The following USP46 variants were observed in gnomAD, a reference collection of about 807,000 sequenced individuals.
The protein encoded by USP46 is ubiquitin carboxyl-terminal hydrolase 46.
In USP46, 12 loss-of-function variants were observed where a neutral mutation model predicts 44.4. The observed-to-expected ratio is 0.27, with a 90% confidence interval of 0.17 to 0.44. The LOEUF (loss-of-function observed/expected upper bound fraction) is 0.44, where lower values mean the gene tolerates loss of function less well. Among genes scored for constraint, USP46 ranks in the 20% least tolerant of loss-of-function variants. The pLI is 1.00. For synonymous variants in USP46, 155 were observed against 161.5 expected, an observed-to-expected ratio of 0.96 and a Z score of 0.31; for missense variants, 248 against 444.8, an observed-to-expected ratio of 0.56 and a Z score of 3.98.
intron 4 of USP46, among the ~76,000 whole-genome samples, chr4:52,621,906 T>G (rs1034972255): frequency 6.6e-6 from 1 of 152,166 alleles, no homozygotes; most frequent in Non-Finnish European, 1.5e-5. Flanking sequence ...ATTCCTACAA[T>G]GGTATACTAC....
At chr4:52,658,464 C>T (rs1195138573) in intron 1 of USP46, among the ~76,000 whole-genome samples, 1 of 152,194 alleles carries the variant, frequency 6.6e-6, no homozygotes, top group Non-Finnish European at 1.5e-5. Context: ...CAGCCCGCCC[C>T]ACCCTTAGGG....
chr4:52,653,370 T>C (rs1196282130), intron 1 of USP46, among the ~76,000 whole-genome samples: 1 of 151,636 alleles, frequency 6.6e-6, no homozygotes, highest in Non-Finnish European at 1.5e-5. Context: ...CCAGGCATGG[T>C]AGCAGGCAAC....
chr4:52,640,903 A>G (rs560404648), intron 1 of USP46, among the ~76,000 whole-genome samples: 103 of 151,438 alleles, frequency 6.8e-4, no homozygotes, highest in African/African-American at 2.3e-3. Flanking sequence ...CTCGGCAAAT[A>G]CCTCAGAGCT....
At chr4:52,658,840 C>T (rs1301601514) in intron 1 of USP46, among the ~76,000 whole-genome samples, 1 of 152,046 alleles carries the variant, frequency 6.6e-6, no homozygotes, top group African/African-American at 2.4e-5. Context: ...CCGCTTCCAC[C>T]GCAACCCGAG....
At position 52,597,170 on chromosome 4, in the gene USP46, A is replaced by G. The variant is rs1424655667; in HGVS notation, c.*470T>C. On this transcript the variant is annotated 3_prime_UTR_variant, in exon 9 of 9. Transcript: ENST00000441222. ...CTATACTTGCACCCCTAAAAGGTGA[A>G]TATCTACCCAATTCTTCTGTCCTTG... The G allele has an allele frequency of 6.5e-6, 1 of 154,176 alleles. No homozygotes were observed. The highest frequency in any genetic ancestry group is 6.5e-5 in the Admixed American group (1 of 15,314). The allele number at this position is 154,176 out of a possible 1,614,324, so 9.6% of individuals were successfully genotyped here.
intron 5 of USP46, 54 bp from the exon 6 acceptor site, chr4:52,604,638 CTATGTTTTAAA>C (rs1244495096): frequency 7.9e-7 from 1 of 1,266,348 alleles, no homozygotes; most frequent in Non-Finnish European, 1.1e-6. Context: ...ACTTGGTATA[CTATGTTTTAAA>C]TCCCTCAATT....
intron 5 of USP46, among the ~76,000 whole-genome samples, chr4:52,606,851 TAA>T (rs1716704854): frequency 6.6e-6 from 1 of 152,218 alleles, no homozygotes; most frequent in Admixed American, 6.5e-5. Context: ...GCAAATGTAC[TAA>T]ACTTTCAGAT....
intron 8 of USP46, among the ~76,000 whole-genome samples, chr4:52,598,126 A>G (rs1716316382): frequency 6.6e-6 from 1 of 152,216 alleles, no homozygotes; most frequent in African/African-American, 2.4e-5. Flanking sequence ...AAAATAGATC[A>G]TGTCTTTGAG....
chr4:52,597,643 C>T lies in USP46; in HGVS notation c.1098G>A (p.Glu366=), dbSNP rs1268831620. 1 of 1,574,980 alleles carries T rather than the reference C, an allele frequency of 6.3e-7. No homozygotes were observed. Among genetic ancestry groups the T allele is most frequent in the Middle Eastern group, 1.7e-4 (1 of 6,016 alleles). ...SGYILFYQSR[E] ...ATCAGTCCCGCAGGTCTTTCAGTTACTCTCTTGACTGATAGAATAAAATAT... is the reference window on the plus strand; with the variant it reads ...ATCAGTCCCGCAGGTCTTTCAGTTATTCTCTTGACTGATAGAATAAAATAT... Residue 366 remains glutamate (E), a synonymous_variant, in exon 9 of 9, where the codon GAG becomes GAA. Coordinates refer to ENST00000441222, the MANE Select transcript of USP46 (RefSeq NM_022832.4).
intron 1 of USP46, among the ~76,000 whole-genome samples, chr4:52,650,526 A>G (rs1165565259): frequency 6.6e-6 from 1 of 152,246 alleles, no homozygotes; most frequent in Non-Finnish European, 1.5e-5. Context: ...TTAAGGTAAA[A>G]GAGTCTAAAA....
intron 5 of USP46, among the ~76,000 whole-genome samples, chr4:52,606,821 G>C (rs928784729): frequency 1.3e-5 from 2 of 152,166 alleles, no homozygotes; most frequent in African/African-American, 2.4e-5. Context: ...AGGGATGAAA[G>C]GCAAGAAAGC....
intron 1 of USP46, among the ~76,000 whole-genome samples, chr4:52,635,001 GC>G (rs1236001753): frequency 6.6e-6 from 1 of 151,338 alleles, no homozygotes; most frequent in Non-Finnish European, 1.5e-5. Context: ...CCTGGATCTG[GC>G]CATCACCCTG....
chr4:52,659,235 C>T lies in USP46; in HGVS notation c.-85G>A. 1 of 1,417,130 alleles carries T rather than the reference C, an allele frequency of 7.1e-7. No homozygotes were observed. Among genetic ancestry groups the T allele is most frequent in the Non-Finnish European group, 9.3e-7 (1 of 1,070,778 alleles). The allele number at this position is 1,417,130 out of a possible 1,614,324, so 87.8% of individuals were successfully genotyped here. A position where few individuals can be genotyped will look rare whatever the true frequency, so the allele number is the denominator to read the frequency against. The stretch of plus-strand genomic sequence containing the variant: ...CCATGGTGGCGCGCTGGCGGGGAGG[C>T]CGGGCGGCAGCGCGGCGGCCTGGGG... On this transcript the variant is annotated 5_prime_UTR_variant, in exon 1 of 9. Coordinates refer to ENST00000441222, the MANE Select transcript of USP46 (RefSeq NM_022832.4). This position sits in a 1 kb window ranked among gnomAD's most constrained non-coding sequence, Gnocchi z 4.2.
chr4:52,625,965 A>G, intron 4 of USP46, 53 bp downstream of exon 4: 1 of 1,496,690 alleles, frequency 6.7e-7, no homozygotes, highest in Non-Finnish European at 9.2e-7. Flanking sequence ...CATGCAACAT[A>G]GCGTACATAA....
Position 52,597,705 on chromosome 4 carries a change from G to A in USP46, c.1036C>T (p.Leu346=), listed in dbSNP as rs1307493487. 6.2e-7 allele frequency: 1 copy of A among 1,603,504 alleles called. No individual in the cohort carries two copies. The highest frequency in any genetic ancestry group is 8.5e-7 in the Non-Finnish European group (1 of 1,174,904). ...GAATTTTTTGATATATCTGACGTCA[G>A]GCCATAGAATTCTTCAATAGCTTGA... ...DAQAIEEFYG[L]TSDISKNSES... The change falls in exon 9 of 9, where the codon CTG becomes TTG. Residue 346 remains leucine, a synonymous_variant. Coordinates refer to ENST00000441222, the MANE Select transcript of USP46 (RefSeq NM_022832.4).
chr4:52,657,040 CAAAAAAAAAAAAAA>C (rs959028429), intron 1 of USP46, among the ~76,000 whole-genome samples: 1 of 29,258 alleles, frequency 3.4e-5, no homozygotes, highest in African/African-American at 1.3e-4. Context: ...GAGACCTTGT[CAAAAAAAAAAAAAA>C]AAAAAAAAAG....
intron 5 of USP46, among the ~76,000 whole-genome samples, chr4:52,605,493 C>T (rs1027835970): frequency 6.6e-5 from 10 of 152,062 alleles, no homozygotes; most frequent in African/African-American, 2.4e-4. Flanking sequence ...CCATAATGAC[C>T]AGATTTTATT....
At position 52,592,324 on chromosome 4, in the gene USP46, T is replaced by C. The variant is rs577504874; in HGVS notation, c.*5316A>G. 1 of 152,242 alleles carries C rather than the reference T, an allele frequency of 6.6e-6. No individual in the cohort carries two copies. Among genetic ancestry groups the C allele is most frequent in the East Asian group, 1.9e-4 (1 of 5,188 alleles). The allele number at this position is 152,242 out of a possible 1,614,324, so 9.4% of individuals were successfully genotyped here. Reference sequence around the variant, plus strand: ...CCACTTGGGGTATCTTCAGAAAAAGTCTACATGGGCTATCTTTAGTACTAA... The same window carrying C: ...CCACTTGGGGTATCTTCAGAAAAAGCCTACATGGGCTATCTTTAGTACTAA... On this transcript the variant is annotated 3_prime_UTR_variant, in exon 9 of 9. Transcript: ENST00000441222.
Position 52,593,937 on chromosome 4 carries a change from T to A in USP46, c.*3703A>T, listed in dbSNP as rs931973198. On this transcript the variant is annotated 3_prime_UTR_variant, in exon 9 of 9. Transcript: ENST00000441222. ...CATTTCCTGAATTAAATTCTGTTGA[T>A]CTTTTTCACTCAAAAAAAGTGATGA... 2 of 152,252 alleles carry A rather than the reference T, an allele frequency of 1.3e-5. No individual in the cohort carries two copies. Among genetic ancestry groups the A allele is most frequent in the African/African-American group, 4.8e-5 (2 of 41,468 alleles). 9.4% of individuals were successfully genotyped at this position (152,252 alleles called of 1,614,324 possible). A position where few individuals can be genotyped will look rare whatever the true frequency, so the allele number is the denominator to read the frequency against.
Sources: gnomAD v4.1 joint callset for allele counts (sites outside exome capture counted in the v4.1 genomes callset) on GRCh38, gnomAD v4.1.1 for gene constraint, Gnocchi (gnomAD v3.1) non-coding constraint, MANE v1.5 for transcripts, NCBI Gene and HGNC (gene_info 2026-07-23, HGNC 2026-07-21) for gene names.